SLC27A3: variants seen among roughly 807,000 people sequenced by gnomAD.
SLC27A3 encodes the protein solute carrier family 27 member 3.
Under a neutral mutation model 60.1 loss-of-function variants are expected in SLC27A3, and 60 were observed. The observed-to-expected ratio is 1.00, with a 90% CI of 0.81 to 1.24. SLC27A3 has a LOEUF of 1.24. Ranked by LOEUF, SLC27A3 falls within the 50% of genes most tolerant of loss-of-function variation. SLC27A3 has a pLI of 0.00. For synonymous variants in SLC27A3, 455 were observed against 409.0 expected (o/e 1.11, Z -1.36); for missense variants, 1,079 against 929.9 (o/e 1.16, Z -2.09).
chr1:153,775,726 C>G lies in SLC27A3; in HGVS notation c.229C>G (p.Gln77Glu). 2 of 1,520,090 alleles carry G rather than the reference C, an allele frequency of 1.3e-6. No homozygotes were observed. Among genetic ancestry groups the G allele is most frequent in the Non-Finnish European group, 1.8e-6 (2 of 1,138,850 alleles). The allele number at this position is 1,520,090 out of a possible 1,614,324, so 94.2% of individuals were successfully genotyped here. A position where few individuals can be genotyped will look rare whatever the true frequency, so the allele number is the denominator to read the frequency against. Residue 77 changes from glutamine (Q) to glutamate (E), a missense_variant, in exon 1 of 10, where the codon CAG becomes GAG. Coordinates refer to ENST00000624995, the MANE Select transcript of SLC27A3 (RefSeq NM_024330.4). Reference sequence around the variant, plus strand: ...CTGGCGCCTCGCGGAACTGGCCCAGCAGCGCGCCGCGCACACCTTTCTCAT... The same window carrying G: ...CTGGCGCCTCGCGGAACTGGCCCAGGAGCGCGCCGCGCACACCTTTCTCAT... ...LAWRLAELAQQRAAHTFLIHG... is the reference protein window; with the variant it reads ...LAWRLAELAQERAAHTFLIHG...
In SLC27A3 at chr1:153,779,325, G is replaced by C. The variant is rs1054119275; in HGVS notation, c.1745-18G>C. ...GGTCAGCCATGGAGGGGCTTACTCT[G>C]TCTCCCACACCCACCAGGGCATGAA... On this transcript the variant is annotated intron_variant, in intron 8 of 9. Transcript: ENST00000624995. 2.7e-5 allele frequency: 41 copies of C among 1,491,226 alleles called. No homozygotes were observed. The highest frequency in any genetic ancestry group is 3.2e-5 in the Non-Finnish European group (34 of 1,071,426). 92.4% of individuals were successfully genotyped at this position (1,491,226 alleles called of 1,614,324 possible).
rs1276900085 is a variant in SLC27A3, at chr1:153,779,951, C to T, written c.2001C>T (p.Pro667=). The change falls in exon 10 of 10, where the codon CCC becomes CCT. Residue 667 remains proline, a synonymous_variant. Coordinates refer to ENST00000624995, the MANE Select transcript of SLC27A3 (RefSeq NM_024330.4). ...ACCAGGCTGTAGGTGCCTACCTGCCCCTCACAACTGCCCGGTACAGCGCCC... is the reference window on the plus strand; with the variant it reads ...ACCAGGCTGTAGGTGCCTACCTGCCTCTCACAACTGCCCGGTACAGCGCCC... ...VLDQAVGAYL[P]LTTARYSALL... 6.2e-7 allele frequency: 1 copy of T among 1,614,160 alleles called. No individual in the cohort carries two copies. Among genetic ancestry groups the T allele is most frequent in the African/African-American group, 1.3e-5 (1 of 75,040 alleles).
chr1:153,778,403 G>A (rs1673347420), intron 5 of SLC27A3, 48 bp downstream of exon 5: 2 of 1,613,570 alleles, frequency 1.2e-6, no homozygotes, highest in African/African-American at 1.3e-5. Flanking sequence ...GCAGAGGGCT[G>A]GCAGGAGAGG....
intron 1 of SLC27A3, 177 bp downstream of exon 1, chr1:153,776,341 T>C (rs772751499): frequency 9.5e-6 from 13 of 1,369,092 alleles, no homozygotes; most frequent in Non-Finnish European, 1.3e-5. Flanking sequence ...AGGCTGAATC[T>C]TTGGTGCCCC....
At chr1:153,778,634 G>A (rs376564780) in intron 6 of SLC27A3, 53 bp from the exon 7 acceptor site, 1 of 1,609,626 alleles carries the variant, frequency 6.2e-7, no homozygotes, top group African/African-American at 1.3e-5. Context: ...GTGGATGGGG[G>A]CAGAAGGCTC....
chr1:153,777,989 A>G lies in SLC27A3; in HGVS notation c.1161+104A>G, dbSNP rs1399533992. On this transcript the variant is annotated intron_variant, in intron 4 of 9. Coordinates refer to ENST00000624995, the MANE Select transcript of SLC27A3 (RefSeq NM_024330.4). ...GGAGTTGGAGGGAGAAGCAGCAAGA[A>G]GAAAATGGCAGTGTAAGATAAGGAG... 11 of 1,542,230 alleles carry G rather than the reference A, an allele frequency of 7.1e-6. No individual in the cohort carries two copies. In the East Asian group the frequency reaches 2.5e-4, roughly 35 times the overall value.
In SLC27A3 at chr1:153,777,880, C is replaced by A. The variant is rs1429740390; in HGVS notation, c.1156C>A (p.Pro386Thr). ...GELCRYLVNQ[P>T]PSKAERGHKV... is the part of the protein sequence containing the mutation. ...GCTGTGCCGATACCTTGTCAACCAGCCCCCGGTGCGTGGGCACAGATCCTG... is the reference window on the plus strand; with the variant it reads ...GCTGTGCCGATACCTTGTCAACCAGACCCCGGTGCGTGGGCACAGATCCTG... Residue 386 changes from proline (P) to threonine (T), a missense_variant, in exon 4 of 10, where the codon CCC (proline) becomes ACC (threonine). Pro to Thr is a conservative substitution (Grantham distance 38). Coordinates refer to ENST00000624995, the MANE Select transcript of SLC27A3 (RefSeq NM_024330.4). 6.2e-7 allele frequency: 1 copy of A among 1,614,146 alleles called. No homozygotes were observed. Among genetic ancestry groups the A allele is most frequent in the Admixed American group, 1.7e-5 (1 of 60,016 alleles).
At chr1:153,779,505 C>T (rs759349209) in intron 9 of SLC27A3, 32 bp downstream of exon 9, 1 of 1,601,564 alleles carries the variant, frequency 6.2e-7, no homozygotes, top group Non-Finnish European at 8.5e-7. Flanking sequence ...CGGCCCCTCA[C>T]CCCATATATC....
At chr1:153,779,597 C>A in intron 9 of SLC27A3, 124 bp downstream of exon 9, 1 of 1,172,518 alleles carries the variant, frequency 8.5e-7, no homozygotes, top group South Asian at 1.4e-5. Context: ...CAACGTAATA[C>A]ACTCCGTGAA....
intron 5 of SLC27A3, 24 bp from the exon 6 acceptor site, chr1:153,778,439 G>A: frequency 6.2e-7 from 1 of 1,613,386 alleles, no homozygotes; most frequent in Admixed American, 1.7e-5. Flanking sequence ...CAATGATCCA[G>A]TACCCAGGTC....
chr1:153,777,844 T>C lies in SLC27A3; in HGVS notation c.1120T>C (p.Tyr374His), dbSNP rs748717340. 6.2e-7 allele frequency: 1 copy of C among 1,614,164 alleles called. No homozygotes were observed. Among genetic ancestry groups the C allele is most frequent in the Non-Finnish European group, 8.5e-7 (1 of 1,180,032 alleles). Reference protein sequence around the residue: ...CQQHRVTVFQYIGELCRYLVN... With the variant: ...CQQHRVTVFQHIGELCRYLVN... ...GCAGCACAGGGTGACGGTGTTCCAGTACATTGGGGAGCTGTGCCGATACCT... is the reference window on the plus strand; with the variant it reads ...GCAGCACAGGGTGACGGTGTTCCAGCACATTGGGGAGCTGTGCCGATACCT... Residue 374 changes from tyrosine (Y) to histidine (H), a missense_variant, in exon 4 of 10, where the codon TAC becomes CAC. Tyr to His is a moderately conservative substitution (Grantham distance 83). Coordinates refer to ENST00000624995, the MANE Select transcript of SLC27A3 (RefSeq NM_024330.4).
At position 153,779,137 on chromosome 1, in the gene SLC27A3, C is replaced by CA; in HGVS notation, c.1672dup (p.Thr558AsnfsTer27). The CA allele has an allele frequency of 6.2e-7, 1 of 1,614,186 alleles. No individual in the cohort carries two copies. Among genetic ancestry groups the CA allele is most frequent in the Non-Finnish European group, 8.5e-7 (1 of 1,180,018 alleles). ...AGGTGGAAGGGGGAGAATGTGGCCA[C>CA]AACCGAGGTGGCAGAGGTCTTCGAG... On this transcript the variant is annotated frameshift_variant, in exon 8 of 10. Transcript: ENST00000624995. LOFTEE classifies it high-confidence loss of function.
At chr1:153,778,138 G>C in intron 4 of SLC27A3, 23 bp from the exon 5 acceptor site, 1 of 1,587,792 alleles carries the variant, frequency 6.3e-7, no homozygotes, top group Non-Finnish European at 8.5e-7. Flanking sequence ...CTGAAGCTCC[G>C]GCCCCTCTCC....
rs751881128 is a variant in SLC27A3 at position 153,776,673 on chromosome 1, TC to T, written c.829del (p.Gln277ArgfsTer3). 5.6e-6 allele frequency: 9 copies of T among 1,613,908 alleles called. No homozygotes were observed. Among genetic ancestry groups the T allele is most frequent in the Non-Finnish European group, 6.8e-6 (8 of 1,179,932 alleles). On this transcript the variant is annotated frameshift_variant, in exon 2 of 10. Transcript: ENST00000624995. LOFTEE classifies it high-confidence loss of function. ...TGGGCCAGTGCCAGGATACCTCTCT[TC>T]CCCCCAGAGCATAACAGACACGTGC... is the stretch of plus-strand genomic sequence containing the variant. ...VDGPVPGYLS[S>X]PQSITDTCLY... is the part of the protein sequence containing the mutation.
chr1:153,779,253 C>T (rs368744024), intron 8 of SLC27A3, 42 bp downstream of exon 8: 10 of 1,613,602 alleles, frequency 6.2e-6, no homozygotes, highest in African/African-American at 2.7e-5. Context: ...CAGCCACCAC[C>T]CCGAATTGGT....
chr1:153,776,671 C>A lies in SLC27A3; in HGVS notation c.821C>A (p.Ser274Tyr). ...EVDGPVPGYL[S>Y]SPQSITDTCL... is the part of the protein sequence containing the mutation. The stretch of plus-strand genomic sequence containing the variant: ...GATGGGCCAGTGCCAGGATACCTCT[C>A]TTCCCCCCAGAGCATAACAGACACG... Residue 274 changes from serine to tyrosine, a missense_variant, in exon 2 of 10, where the codon TCT (serine) becomes TAT (tyrosine). Ser to Tyr is a moderately radical substitution (Grantham distance 144). Transcript: ENST00000624995. 1 of 1,614,126 alleles carries A rather than the reference C, an allele frequency of 6.2e-7. No homozygotes were observed. The highest frequency in any genetic ancestry group is 8.5e-7 in the Non-Finnish European group (1 of 1,179,978).
Position 153,778,838 on chromosome 1 carries a change from T to C in SLC27A3, c.1599T>C (p.Asp533=), listed in dbSNP as rs536824983. Residue 533 remains aspartate, a synonymous_variant, in exon 7 of 10, where the codon GAT becomes GAC. Transcript: ENST00000624995. The stretch of plus-strand genomic sequence containing the variant: ...ACACTGGGGACCTGCTGGTCTGCGA[T>C]GACCAAGGTTTTCTCCGCTTCCATG... ...FFNTGDLLVC[D]DQGFLRFHDR... 2.5e-6 allele frequency: 4 copies of C among 1,614,210 alleles called. No homozygotes were observed. The highest frequency in any genetic ancestry group is 1.1e-5 in the South Asian group (1 of 91,086).
Position 153,779,385 on chromosome 1 carries a change from C to A in SLC27A3, c.1787C>A (p.Pro596His). Residue 596 changes from proline (P) to histidine (H), a missense_variant, in exon 9 of 10, where the codon CCC (proline) becomes CAC (histidine). Transcript: ENST00000624995. ...RAGMAALVLR[P>H]PHALDLMQLY... Reference sequence around the variant, plus strand: ...GGAATGGCAGCCCTAGTTCTGCGTCCCCCCCACGCTTTGGACCTTATGCAG... The same window carrying A: ...GGAATGGCAGCCCTAGTTCTGCGTCACCCCCACGCTTTGGACCTTATGCAG... The A allele has an allele frequency of 6.2e-7, 1 of 1,613,150 alleles. No homozygotes were observed. Among genetic ancestry groups the A allele is most frequent in the Non-Finnish European group, 8.5e-7 (1 of 1,179,702 alleles).
rs1037782564 is a variant in SLC27A3, at chr1:153,775,689, C to G, written c.192C>G (p.Gly64=). 6.5e-7 allele frequency: 1 copy of G among 1,529,952 alleles called. No homozygotes were observed. The highest frequency in any genetic ancestry group is 8.8e-7 in the Non-Finnish European group (1 of 1,142,040). The allele number at this position is 1,529,952 out of a possible 1,614,324, so 94.8% of individuals were successfully genotyped here. ...AAADPEGPEG[G]CSLAWRLAEL... ...CCGACCCGGAAGGTCCCGAGGGGGGCTGCAGCCTGGCCTGGCGCCTCGCGG... is the reference window on the plus strand; with the variant it reads ...CCGACCCGGAAGGTCCCGAGGGGGGGTGCAGCCTGGCCTGGCGCCTCGCGG... Residue 64 remains glycine, a synonymous_variant, in exon 1 of 10, where the codon GGC becomes GGG. Transcript: ENST00000624995.
Sources: gnomAD v4.1 joint callset for allele counts on GRCh38, gnomAD v4.1.1 for gene constraint, MANE v1.5 for transcripts, NCBI Gene and HGNC (gene_info 2026-07-23, HGNC 2026-07-21) for gene names.